Variants in ACTR3B observed in about 807,000 individuals in gnomAD.
ACTR3B encodes actin-related protein 3B.
ACTR3B carries 8 observed loss-of-function variants against 59.0 expected under a neutral mutation model. That is an observed-to-expected ratio of 0.14 (90% CI 0.08 to 0.24). The LOEUF (loss-of-function observed/expected upper bound fraction) is 0.24, where lower values mean the gene tolerates loss of function less well. ACTR3B is among the 10% of genes least tolerant of loss of function. ACTR3B has a pLI of 1.00. For synonymous variants in ACTR3B, 148 were observed against 197.9 expected, an observed-to-expected ratio of 0.75 and a Z score of 2.12; for missense variants, 245 against 552.3, an observed-to-expected ratio of 0.44 and a Z score of 5.58.
At chr7:152,773,115 A>T (rs533121665) in intron 1 of ACTR3B, among the ~76,000 whole-genome samples, 1 of 150,254 alleles carries the variant, frequency 6.7e-6, no homozygotes, top group East Asian at 1.9e-4. Flanking sequence ...GAGTAAAAGG[A>T]AACAGGCAAC....
intron 9 of ACTR3B, among the ~76,000 whole-genome samples, chr7:152,841,844 C>T (rs1055366166): frequency 7.2e-5 from 11 of 152,194 alleles, no homozygotes; most frequent in Admixed American, 5.9e-4. Context: ...TCAGAGTGGC[C>T]CCTTGCCATC....
rs564497090 is a variant in ACTR3B, at chr7:152,844,689, A to T, written c.952-7437A>T. The stretch of plus-strand genomic sequence containing the variant: ...CTGGCCTTTTTGAAGTTTTCTGAGG[A>T]TAAATTTTATCTCTCACTATCTTTT... On this transcript the variant is annotated intron_variant, in intron 9 of 11. Transcript: ENST00000256001. 4.0e-5 allele frequency among the ~76,000 whole-genome samples: 6 copies of T among 151,128 alleles called. No homozygotes were observed. The Admixed American group carries it at 4.0e-4, about 10-fold the overall frequency.
Position 152,809,921 on chromosome 7 carries a change from T to C in ACTR3B, c.337-4629T>C, listed in dbSNP as rs917629655. On this transcript the variant is annotated intron_variant, in intron 4 of 11. Transcript: ENST00000256001. ...CTTGGATTTTTGAATTAAACTTTTTTTTTTGGTTTAAATTGTAAAAAAAAC... is the reference window on the plus strand; with the variant it reads ...CTTGGATTTTTGAATTAAACTTTTTCTTTTGGTTTAAATTGTAAAAAAAAC... Among the ~76,000 whole-genome samples the C allele has an allele frequency of 4.5e-4, 69 of 152,316 alleles. 2 individuals carry two copies. Among genetic ancestry groups the C allele is most frequent in the South Asian group, 4.4e-3 (21 of 4,822 alleles).
intron 1 of ACTR3B, among the ~76,000 whole-genome samples, chr7:152,762,502 T>C (rs2098092749): frequency 1.3e-5 from 2 of 152,232 alleles, no homozygotes; most frequent in South Asian, 4.1e-4. Context: ...TTTCCTGCAC[T>C]GTTTGAGAGT....
At chr7:152,828,153 G>C (rs531370049) in intron 9 of ACTR3B, among the ~76,000 whole-genome samples, 12 of 152,196 alleles carry the variant, frequency 7.9e-5, no homozygotes, top group Non-Finnish European at 1.5e-4. Context: ...TACTGTCCGG[G>C]TTGGCCTGTG....
chr7:152,759,953 G>A (rs2098083824), intron 1 of ACTR3B, 27 bp downstream of exon 1: 2 of 1,345,150 alleles, frequency 1.5e-6, no homozygotes, highest in Non-Finnish European at 1.9e-6. Flanking sequence ...GCCCACCCCC[G>A]CTCCTCCGCG....
chr7:152,780,196 C>A (rs895545035), intron 1 of ACTR3B, among the ~76,000 whole-genome samples: 1 of 151,890 alleles, frequency 6.6e-6, no homozygotes, highest in Non-Finnish European at 1.5e-5. Flanking sequence ...ACTACAAATA[C>A]AAAAATTAGC....
intron 2 of ACTR3B, among the ~76,000 whole-genome samples, chr7:152,797,105 T>C (rs1239372001): frequency 2.0e-5 from 3 of 152,128 alleles, no homozygotes; most frequent in Admixed American, 6.5e-5. Context: ...AAATTTAAAC[T>C]TTTTTGATAT....
At chr7:152,763,757 G>A (rs2098098670) in intron 1 of ACTR3B, among the ~76,000 whole-genome samples, 4 of 152,156 alleles carry the variant, frequency 2.6e-5, no homozygotes, top group Non-Finnish European at 1.5e-5. Flanking sequence ...ACTAATTATG[G>A]TGATGGTTGC....
chr7:152,796,125 G>A (rs1218786892), intron 2 of ACTR3B, among the ~76,000 whole-genome samples: 6 of 152,192 alleles, frequency 3.9e-5, no homozygotes, highest in African/African-American at 1.2e-4. Flanking sequence ...GATAACAGGC[G>A]TGAGCCACCG....
intron 9 of ACTR3B, among the ~76,000 whole-genome samples, chr7:152,850,196 G>C (rs1413882996): frequency 6.6e-6 from 1 of 151,762 alleles, no homozygotes; most frequent in Non-Finnish European, 1.5e-5. Context: ...ATCACTGGTG[G>C]CTTCTCCAGG....
intron 2 of ACTR3B, among the ~76,000 whole-genome samples, chr7:152,791,852 A>G (rs983791400): frequency 3.3e-5 from 5 of 152,178 alleles, no homozygotes; most frequent in African/African-American, 1.2e-4. Context: ...GTAGTACATC[A>G]TACACTAAAT....
intron 9 of ACTR3B, among the ~76,000 whole-genome samples, chr7:152,838,373 A>G (rs566686846): frequency 1.3e-5 from 2 of 152,222 alleles, no homozygotes; most frequent in African/African-American, 4.8e-5. Context: ...GGATGAGTTC[A>G]TGTCCTTTGC....
intron 2 of ACTR3B, among the ~76,000 whole-genome samples, chr7:152,784,678 G>C (rs563593802): frequency 6.6e-6 from 1 of 152,338 alleles, no homozygotes; most frequent in East Asian, 1.9e-4. Flanking sequence ...TCAAGGTGCT[G>C]TCAGGGTTGG....
intron 9 of ACTR3B, among the ~76,000 whole-genome samples, chr7:152,825,498 G>T (rs1186692443): frequency 6.6e-6 from 1 of 151,768 alleles, no homozygotes; most frequent in Non-Finnish European, 1.5e-5. Context: ...TTGTATTTCA[G>T]TAGAGACGGT....
intron 2 of ACTR3B, among the ~76,000 whole-genome samples, chr7:152,795,867 G>A (rs959485139): frequency 1.2e-4 from 18 of 149,390 alleles, no homozygotes; most frequent in African/African-American, 2.5e-4. Flanking sequence ...TTTTGGAGGC[G>A]GTGTCTTGCT....
At chr7:152,798,953 T>C (rs1355657687) in intron 2 of ACTR3B, among the ~76,000 whole-genome samples, 1 of 152,222 alleles carries the variant, frequency 6.6e-6, no homozygotes, top group Non-Finnish European at 1.5e-5. Context: ...TTCTTTTTGC[T>C]TAAGATTCCC....
At chr7:152,836,458 G>C (rs575432422) in intron 9 of ACTR3B, among the ~76,000 whole-genome samples, 5 of 152,142 alleles carry the variant, frequency 3.3e-5, no homozygotes, top group Admixed American at 3.3e-4. Context: ...GTGGTGGAAC[G>C]CACCTGTGGT....
At chr7:152,852,611 T>G (rs1171208557) in intron 10 of ACTR3B, among the ~76,000 whole-genome samples, 1 of 152,132 alleles carries the variant, frequency 6.6e-6, no homozygotes, top group Non-Finnish European at 1.5e-5. Context: ...TTCGGAAATG[T>G]TCTCATTAAA....
Sources: gnomAD v4.1 joint callset for allele counts (sites outside exome capture counted in the v4.1 genomes callset) on GRCh38, gnomAD v4.1.1 for gene constraint, MANE v1.5 for transcripts, NCBI Gene and HGNC (gene_info 2026-07-23, HGNC 2026-07-21) for gene names.